Variants in TRIM2 observed in about 807,000 individuals in gnomAD.
TRIM2 encodes the protein tripartite motif-containing protein 2.
Under a neutral mutation model 75.2 loss-of-function variants are expected in TRIM2, and 20 were observed. The ratio of observed to expected loss-of-function variants is 0.27; its 90% confidence interval spans 0.19 to 0.39. The LOEUF (loss-of-function observed/expected upper bound fraction) is 0.39, where lower values mean the gene tolerates loss of function less well. Among genes scored for constraint, TRIM2 ranks in the 10% least tolerant of loss-of-function variants. The probability of loss-of-function intolerance (pLI) is 1.00; values close to 1 mark genes in which losing one functional copy is unlikely to be tolerated. For missense variants in TRIM2, 660 were observed against 990.8 expected (o/e 0.67, Z 4.48); for synonymous variants, 373 against 388.3 (o/e 0.96, Z 0.46).
intron 6 of TRIM2, among the ~76,000 whole-genome samples, chr4:153,313,373 A>G (rs1391363020): frequency 6.6e-6 from 1 of 152,280 alleles, no homozygotes; most frequent in African/African-American, 2.4e-5. Flanking sequence ...CCATGATTCA[A>G]TGAACTGACC....
In TRIM2 at chr4:153,232,801, A is replaced by C. The variant is rs570377435; in HGVS notation, c.30+28241A>C. ...ATGTCTCCTTTCTCCTTTGTACCTG[A>C]CTTAGGGGCTGAGTGGTGTCTTCAG... On this transcript the variant is annotated intron_variant, in intron 1 of 11. Transcript: ENST00000338700. Among the ~76,000 whole-genome samples the C allele has an allele frequency of 5.3e-5, 8 of 152,304 alleles. No individual in the cohort carries two copies. In the East Asian group the frequency reaches 1.5e-3, roughly 29 times the overall value.
chr4:153,264,764 A>G (rs964828260), intron 1 of TRIM2, among the ~76,000 whole-genome samples: 1 of 152,160 alleles, frequency 6.6e-6, no homozygotes, highest in Non-Finnish European at 1.5e-5. Flanking sequence ...TCCCATTAGG[A>G]GTAGTCAAAT....
At chr4:153,245,033 G>A (rs1748748291) in intron 1 of TRIM2, among the ~76,000 whole-genome samples, 1 of 152,172 alleles carries the variant, frequency 6.6e-6, no homozygotes, top group Non-Finnish European at 1.5e-5. Context: ...AATCTAGGGG[G>A]CTTGTGACCC....
chr4:153,248,552 G>T lies in TRIM2; in HGVS notation c.31-21783G>T, dbSNP rs1440773418. Among the ~76,000 whole-genome samples, 1 of 152,178 alleles carries T rather than the reference G, an allele frequency of 6.6e-6. No homozygotes were observed. The highest frequency in any genetic ancestry group is 2.4e-5 in the African/African-American group (1 of 41,450). ...GCATGGGGCTGACAGTGACACACTGGATCATTTAATCATCACAATGGCATT... is the reference window on the plus strand; with the variant it reads ...GCATGGGGCTGACAGTGACACACTGTATCATTTAATCATCACAATGGCATT... On this transcript the variant is annotated intron_variant, in intron 1 of 11. Coordinates refer to ENST00000338700, the MANE Select transcript of TRIM2 (RefSeq NM_015271.5). The surrounding 1 kb of genome is among the most constrained non-coding windows in gnomAD (Gnocchi z 4.0).
chr4:153,224,508 A>G (rs993333607), intron 1 of TRIM2, among the ~76,000 whole-genome samples: 4 of 151,956 alleles, frequency 2.6e-5, no homozygotes, highest in African/African-American at 7.3e-5. Context: ...TTTTCTTTCT[A>G]TCCTTTTCTG....
chr4:153,280,911 C>G (rs967139978), intron 3 of TRIM2, among the ~76,000 whole-genome samples: 5 of 151,926 alleles, frequency 3.3e-5, no homozygotes, highest in African/African-American at 1.2e-4. Flanking sequence ...GTCTCGATCT[C>G]CTGACCTCGT....
intron 3 of TRIM2, among the ~76,000 whole-genome samples, chr4:153,290,504 T>C (rs1442341981): frequency 6.6e-6 from 1 of 152,218 alleles, no homozygotes; most frequent in African/African-American, 2.4e-5. Context: ...TAAGCTGTGC[T>C]TTCTGCTGGA....
chr4:153,189,886 T>C (rs1300699075), intron 1 of TRIM2, among the ~76,000 whole-genome samples: 1 of 152,240 alleles, frequency 6.6e-6, no homozygotes, highest in Non-Finnish European at 1.5e-5. Context: ...TAGTTTTGAA[T>C]TGAAGTGGGG....
At chr4:153,238,738 G>A (rs1047907815) in intron 1 of TRIM2, among the ~76,000 whole-genome samples, 4 of 152,162 alleles carry the variant, frequency 2.6e-5, no homozygotes, top group African/African-American at 9.7e-5. Context: ...GACCTGCTGT[G>A]CTTAAATGTC....
chr4:153,279,942 CAAAAAA>C (rs3048123), intron 3 of TRIM2, among the ~76,000 whole-genome samples: 1 of 104,162 alleles, frequency 9.6e-6, no homozygotes, highest in African/African-American at 3.1e-5. Flanking sequence ...GACTCTGTCT[CAAAAAA>C]AAAAAAAAAA....
At chr4:153,214,436 T>C (rs7686229) in intron 1 of TRIM2, among the ~76,000 whole-genome samples, 80,554 of 152,038 alleles carry the variant, frequency 0.53, 21,741 homozygotes, top group East Asian at 0.73. Flanking sequence ...CTATCTAATA[T>C]GCTGAAGACA....
intron 3 of TRIM2, among the ~76,000 whole-genome samples, chr4:153,287,370 C>A (rs921666231): frequency 6.6e-6 from 1 of 152,232 alleles, no homozygotes; most frequent in Non-Finnish European, 1.5e-5. Flanking sequence ...TCAATCCAAT[C>A]TGCCAGTATC....
At chr4:153,298,394 C>T (rs187012102) in intron 6 of TRIM2, among the ~76,000 whole-genome samples, 13 of 152,288 alleles carry the variant, frequency 8.5e-5, no homozygotes, top group Admixed American at 7.8e-4. Flanking sequence ...CCTCTGAGGC[C>T]TCTGTCCTTG....
At chr4:153,314,539 G>A (rs1767170515) in intron 6 of TRIM2, among the ~76,000 whole-genome samples, 1 of 151,700 alleles carries the variant, frequency 6.6e-6, no homozygotes, top group Non-Finnish European at 1.5e-5. Flanking sequence ...CTTAGGCCCA[G>A]GAGTTTGAGA....
At chr4:153,188,658 G>A (rs757541745) in intron 1 of TRIM2, among the ~76,000 whole-genome samples, 1 of 151,956 alleles carries the variant, frequency 6.6e-6, no homozygotes, top group Non-Finnish European at 1.5e-5. Flanking sequence ...GGCTGGCACA[G>A]TGGCTCATGC....
intron 11 of TRIM2, among the ~76,000 whole-genome samples, chr4:153,333,843 G>A (rs537923483): frequency 6.6e-6 from 1 of 152,072 alleles, no homozygotes; most frequent in Non-Finnish European, 1.5e-5. Context: ...AAATATATGG[G>A]GGGATGTGCA....
chr4:153,157,282 G>C (rs1456251100), intron 1 of TRIM2: 2 of 152,094 alleles, frequency 1.3e-5, no homozygotes, highest in Non-Finnish European at 2.9e-5. Flanking sequence ...CCCCTCCAAA[G>C]GTCACAAAAA....
At chr4:153,237,812 T>C (rs1745433932) in intron 1 of TRIM2, among the ~76,000 whole-genome samples, 1 of 141,572 alleles carries the variant, frequency 7.1e-6, no homozygotes, top group East Asian at 1.9e-4. Context: ...ATACAAATGG[T>C]TATACAAATA....
intron 9 of TRIM2, 75 bp from the exon 10 acceptor site, chr4:153,323,999 AGTTT>A (rs1348076235): frequency 1.5e-5 from 16 of 1,099,772 alleles, no homozygotes; most frequent in African/African-American, 6.3e-5. Flanking sequence ...TAATATATTA[AGTTT>A]GTTTGTTACA....
Sources: gnomAD v4.1 joint callset for allele counts (sites outside exome capture counted in the v4.1 genomes callset) on GRCh38, gnomAD v4.1.1 for gene constraint, Gnocchi (gnomAD v3.1) non-coding constraint, MANE v1.5 for transcripts, NCBI Gene and HGNC (gene_info 2026-07-23, HGNC 2026-07-21) for gene names.